Variants in PTPRN2 observed in about 807,000 individuals in gnomAD.
The protein encoded by PTPRN2 is receptor-type tyrosine-protein phosphatase N2.
PTPRN2 carries 74 observed loss-of-function variants against 118.8 expected under a neutral mutation model. The observed-to-expected ratio is 0.62, with a 90% CI of 0.52 to 0.76. The LOEUF is 0.76. Ranked by LOEUF, PTPRN2 falls within the 30% of genes least tolerant of loss-of-function variation. The pLI is 0.00. For missense variants in PTPRN2, 1,481 were observed against 1,394.4 expected (o/e 1.06, Z -0.99); for synonymous variants, 641 against 608.0 (o/e 1.05, Z -0.80).
intron 12 of PTPRN2, among the ~76,000 whole-genome samples, chr7:157,877,702 C>A (rs1365341610): frequency 6.6e-6 from 1 of 152,194 alleles, no homozygotes; most frequent in Admixed American, 6.5e-5. Context: ...GGCTGGGGAA[C>A]AGCCAACCCT....
At position 158,071,465 on chromosome 7, in the gene PTPRN2, CGTG is replaced by C. The variant is rs1403389044; in HGVS notation, c.1723+9830_1723+9832del. ...TGGAGGTGCTCGTGGTTGAGGTGCT[CGTG>C]GTGGTGGAGGTTCTCATGGTGCAGG... On this transcript the variant is annotated intron_variant, in intron 11 of 22. Coordinates refer to ENST00000389418, the MANE Select transcript of PTPRN2 (RefSeq NM_002847.5). Among the ~76,000 whole-genome samples, 38 of 102,100 alleles carry C rather than the reference CGTG, an allele frequency of 3.7e-4. 1 individual carries two copies. The highest frequency in any genetic ancestry group is 5.1e-4 in the Non-Finnish European group (27 of 52,592). The allele number at this position is 102,100 out of a possible 152,430, so 67.0% of individuals were successfully genotyped here.
intron 12 of PTPRN2, among the ~76,000 whole-genome samples, chr7:157,866,651 C>G (rs1339794271): frequency 1.3e-5 from 2 of 152,066 alleles, no homozygotes; most frequent in African/African-American, 4.8e-5. Context: ...AGCTCAGGGT[C>G]TGCACCGAGG....
At chr7:158,060,682 G>T (rs1750906875) in intron 11 of PTPRN2, among the ~76,000 whole-genome samples, 2 of 152,192 alleles carry the variant, frequency 1.3e-5, no homozygotes, top group African/African-American at 2.4e-5. Context: ...CACAGCAGGT[G>T]TCACCCAGAA....
At chr7:158,262,347 ACACACACTGCAAACATT>A (rs1563053638) in intron 3 of PTPRN2, among the ~76,000 whole-genome samples, 1 of 142,000 alleles carries the variant, frequency 7.0e-6, no homozygotes, top group African/African-American at 2.8e-5. Context: ...ACACATATTC[ACACACACTGCAAACATT>A]CACTGCACAC....
At chr7:158,013,687 C>A (rs1271021561) in intron 11 of PTPRN2, among the ~76,000 whole-genome samples, 5 of 151,740 alleles carry the variant, frequency 3.3e-5, no homozygotes, top group Non-Finnish European at 7.4e-5. Context: ...ATCTCTCCAT[C>A]CATTCACCCA....
chr7:158,281,653 T>G (rs1441700942), intron 3 of PTPRN2, among the ~76,000 whole-genome samples: 1 of 152,120 alleles, frequency 6.6e-6, no homozygotes, highest in East Asian at 1.9e-4. Context: ...GTGCAAACGC[T>G]CAGGTGTGTG....
rs112752550 is a variant in PTPRN2 at position 158,308,582 on chromosome 7, C to T, written c.277+8237G>A. Among the ~76,000 whole-genome samples the T allele has an allele frequency of 7.6e-3, 1,155 of 151,824 alleles. 16 individuals carry two copies. The highest frequency in any genetic ancestry group is 0.027 in the African/African-American group (1,101 of 41,418). ...AAAGATATAATTTTCATGACAATAA[C>T]AGCACAAAGGAGGGAAAGAGAAAAA... On this transcript the variant is annotated intron_variant, in intron 3 of 22. Transcript: ENST00000389418.
intron 11 of PTPRN2, among the ~76,000 whole-genome samples, chr7:158,055,541 C>G (rs986046695): frequency 6.6e-6 from 1 of 152,218 alleles, no homozygotes; most frequent in Admixed American, 6.5e-5. Context: ...TCAGTGGTCA[C>G]GCTCCTAGTC....
At chr7:158,163,114 G>T (rs949532873) in intron 6 of PTPRN2, among the ~76,000 whole-genome samples, 1 of 152,214 alleles carries the variant, frequency 6.6e-6, no homozygotes, top group African/African-American at 2.4e-5. Flanking sequence ...AGAGCAGGGG[G>T]CTGTAGTGGG....
At chr7:157,697,826 T>C (rs2533293) in intron 12 of PTPRN2, among the ~76,000 whole-genome samples, 167 of 82,122 alleles carry the variant, frequency 2.0e-3, no homozygotes, top group South Asian at 4.4e-3. Context: ...GAGCCCTCAC[T>C]GTCTACCCAT....
intron 12 of PTPRN2, among the ~76,000 whole-genome samples, chr7:157,733,064 C>T (rs555310073): frequency 2.4e-5 from 1 of 41,570 alleles, no homozygotes; most frequent in African/African-American, 1.2e-4. Context: ...CCGTCCCACG[C>T]GCCCAGCACA....
intron 6 of PTPRN2, among the ~76,000 whole-genome samples, chr7:158,151,822 A>C (rs1285712069): frequency 6.6e-6 from 1 of 152,212 alleles, no homozygotes; most frequent in Non-Finnish European, 1.5e-5. Context: ...ATCCATGAGC[A>C]AAGTCCTTGC....
intron 3 of PTPRN2, among the ~76,000 whole-genome samples, chr7:158,271,015 C>CCTCCACCTGGGCCTCCCCA (rs1272584607): frequency 8.2e-6 from 1 of 121,502 alleles, no homozygotes; most frequent in Admixed American, 8.7e-5. Context: ...TGGACCACCC[C>CCTCCACCTGGGCCTCCCCA]TCCACCTGGA....
At chr7:158,420,868 G>C (rs1484491455) in intron 2 of PTPRN2, among the ~76,000 whole-genome samples, 2 of 152,232 alleles carry the variant, frequency 1.3e-5, no homozygotes, top group East Asian at 3.8e-4. Flanking sequence ...CGTCCCTGTT[G>C]ATGAGACGTG....
chr7:157,977,699 T>G lies in PTPRN2; in HGVS notation c.1724-78962A>C, dbSNP rs1324872407. Among the ~76,000 whole-genome samples the G allele has an allele frequency of 8.1e-5, 12 of 147,924 alleles. No homozygotes were observed. In the East Asian group the frequency reaches 2.0e-3, roughly 25 times the overall value. The stretch of plus-strand genomic sequence containing the variant: ...AGAATGCTGCTCTGTCCAGTACCTG[T>G]GAGCAGGGGAGGTGGGGGCGGGAGG... On this transcript the variant is annotated intron_variant, in intron 11 of 22. Transcript: ENST00000389418. The surrounding 1 kb of genome is among the most constrained non-coding windows in gnomAD (Gnocchi z 4.6).
At chr7:158,282,404 C>T (rs780155261) in intron 3 of PTPRN2, among the ~76,000 whole-genome samples, 9 of 152,202 alleles carry the variant, frequency 5.9e-5, no homozygotes, top group East Asian at 1.9e-4. Context: ...AGAAGTACTG[C>T]GGGGCCATGC....
At chr7:158,452,272 G>A (rs547809279) in intron 2 of PTPRN2, among the ~76,000 whole-genome samples, 20 of 152,162 alleles carry the variant, frequency 1.3e-4, no homozygotes, top group South Asian at 1.0e-3. Flanking sequence ...AAGCTAGTTC[G>A]TTTAATTTCA....
At chr7:157,894,178 G>A (rs745915548) in intron 12 of PTPRN2, among the ~76,000 whole-genome samples, 1 of 152,208 alleles carries the variant, frequency 6.6e-6, no homozygotes, top group Non-Finnish European at 1.5e-5. Flanking sequence ...CCCGCATGAC[G>A]CATGGCATCA....
intron 11 of PTPRN2, among the ~76,000 whole-genome samples, chr7:157,938,322 G>A: frequency 6.6e-6 from 1 of 152,370 alleles, no homozygotes; most frequent in Non-Finnish European, 1.5e-5. Context: ...TGGGACAGCT[G>A]CACATGCCTG....
Sources: allele counts gnomAD v4.1 joint callset (sites outside exome capture counted in the v4.1 genomes callset), GRCh38; gene constraint gnomAD v4.1.1; non-coding constraint Gnocchi (gnomAD v3.1); transcripts MANE v1.5; gene names NCBI Gene and HGNC (gene_info 2026-07-23, HGNC 2026-07-21).